GMDS: variants seen among roughly 807,000 people sequenced by gnomAD.
GMDS encodes the protein GDP-mannose 4,6 dehydratase.
GMDS carries 20 observed loss-of-function variants against 49.9 expected under a neutral mutation model. The observed-to-expected ratio is 0.40, with a 90% CI of 0.28 to 0.58. The LOEUF (loss-of-function observed/expected upper bound fraction) is 0.58, where lower values mean the gene tolerates loss of function less well. Among genes scored for constraint, GMDS ranks in the 20% least tolerant of loss-of-function variants. The pLI is 0.42. For synonymous variants in GMDS, 177 were observed against 178.6 expected (o/e 0.99, Z 0.07); for missense variants, 362 against 481.4 (o/e 0.75, Z 2.32).
chr6:1,855,472 T>C (rs75720056), intron 7 of GMDS, among the ~76,000 whole-genome samples: 2,230 of 152,294 alleles, frequency 0.015, 56 homozygotes, highest in African/African-American at 0.051. Flanking sequence ...CAGAGTTCTA[T>C]TCTAGAACAG....
chr6:1,657,926 AAGTGAAGTG>A (rs1322655608), intron 9 of GMDS, among the ~76,000 whole-genome samples: 1 of 150,576 alleles, frequency 6.6e-6, no homozygotes, highest in African/African-American at 2.4e-5. Flanking sequence ...CCCCTTTTTA[AAGTGAAGTG>A]AGCTCTGCGC....
At chr6:2,235,637 C>T (rs1257654604) in intron 1 of GMDS, among the ~76,000 whole-genome samples, 1 of 148,314 alleles carries the variant, frequency 6.7e-6, no homozygotes, top group East Asian at 2.0e-4. Context: ...AAGACCCCAT[C>T]TTAACAAAAA....
chr6:2,036,930 A>T (rs1010705598), intron 4 of GMDS, among the ~76,000 whole-genome samples: 2 of 152,216 alleles, frequency 1.3e-5, no homozygotes, highest in Non-Finnish European at 1.5e-5. Flanking sequence ...ATAAGTGCTC[A>T]GTAGATACAT....
At chr6:1,689,908 G>A (rs1765115371) in intron 9 of GMDS, among the ~76,000 whole-genome samples, 1 of 8,030 alleles carries the variant, frequency 1.2e-4, no homozygotes, top group Admixed American at 2.3e-3. Flanking sequence ...TGAAATATAT[G>A]TAGATAACAT....
chr6:2,198,430 T>C (rs1779367526), intron 1 of GMDS, among the ~76,000 whole-genome samples: 1 of 152,208 alleles, frequency 6.6e-6, no homozygotes, highest in Admixed American at 6.5e-5. Flanking sequence ...ATGTACCTTG[T>C]GTCCCCTTCA....
chr6:2,069,189 G>A (rs1771821264), intron 4 of GMDS, among the ~76,000 whole-genome samples: 1 of 152,142 alleles, frequency 6.6e-6, no homozygotes, highest in African/African-American at 2.4e-5. Flanking sequence ...TTTAATAAAT[G>A]GTGCTGGGAA....
intron 4 of GMDS, among the ~76,000 whole-genome samples, chr6:1,994,888 T>C (rs1766181321): frequency 6.6e-6 from 1 of 151,964 alleles, no homozygotes; most frequent in South Asian, 2.1e-4. Context: ...TAAAGCAATA[T>C]AAAATTAAGA....
intron 4 of GMDS, among the ~76,000 whole-genome samples, chr6:2,046,046 C>T (rs1769992807): frequency 2.6e-5 from 4 of 151,980 alleles, no homozygotes. Flanking sequence ...CCTGTCTCTA[C>T]AAAAATGTAA....
intron 7 of GMDS, among the ~76,000 whole-genome samples, chr6:1,827,643 T>C (rs958898180): frequency 4.6e-5 from 7 of 151,912 alleles, no homozygotes; most frequent in Admixed American, 3.9e-4. Flanking sequence ...ATTGCACATA[T>C]TTTTTTTGGC....
intron 1 of GMDS, among the ~76,000 whole-genome samples, chr6:2,201,603 C>G (rs1242431142): frequency 1.8e-5 from 2 of 110,044 alleles, no homozygotes; most frequent in East Asian, 2.8e-4. Flanking sequence ...AGGATGAAGA[C>G]AGAACACCAC....
At chr6:2,022,231 A>T (rs1454568330) in intron 4 of GMDS, among the ~76,000 whole-genome samples, 1 of 151,566 alleles carries the variant, frequency 6.6e-6, no homozygotes, top group Admixed American at 6.6e-5. Flanking sequence ...ATAGGAGGGT[A>T]AAGAAAAATT....
intron 4 of GMDS, among the ~76,000 whole-genome samples, chr6:2,044,351 T>TA (rs1355259424): frequency 6.6e-6 from 1 of 152,154 alleles, no homozygotes. Flanking sequence ...AAAAATGTGC[T>TA]ATGTATACAC....
At chr6:2,022,092 G>A (rs1319920) in intron 4 of GMDS, among the ~76,000 whole-genome samples, 2,076 of 152,236 alleles carry the variant, frequency 0.014, 49 homozygotes, top group African/African-American at 0.048. Flanking sequence ...GCCTAACAAG[G>A]CAACAGGGTA....
chr6:2,102,125 G>A (rs1274739495), intron 4 of GMDS, among the ~76,000 whole-genome samples: 1 of 151,972 alleles, frequency 6.6e-6, no homozygotes, highest in Non-Finnish European at 1.5e-5. Context: ...GTAAACAAAT[G>A]TAAAGCCATC....
chr6:1,645,276 C>A (rs1035139320), intron 9 of GMDS, among the ~76,000 whole-genome samples: 2 of 152,188 alleles, frequency 1.3e-5, no homozygotes, highest in African/African-American at 4.8e-5. Flanking sequence ...CTTCCTTCCC[C>A]AAACTGAATG....
chr6:1,716,974 C>T (rs1236018806), intron 9 of GMDS, among the ~76,000 whole-genome samples: 4 of 152,200 alleles, frequency 2.6e-5, no homozygotes, highest in East Asian at 1.9e-4. Context: ...GATGCACCAG[C>T]GTCTTCCATT....
intron 7 of GMDS, among the ~76,000 whole-genome samples, chr6:1,825,589 T>C (rs1361623836): frequency 6.6e-6 from 1 of 152,210 alleles, no homozygotes; most frequent in Admixed American, 6.5e-5. Flanking sequence ...CTAGGCCATA[T>C]AGTATAGCCT....
At chr6:1,999,116 A>G (rs4308609) in intron 4 of GMDS, among the ~76,000 whole-genome samples, 114,161 of 151,876 alleles carry the variant, frequency 0.75, 43,097 homozygotes, top group Middle Eastern at 0.84. Flanking sequence ...GAGGTCAGGA[A>G]ATCGAGACCA....
intron 7 of GMDS, among the ~76,000 whole-genome samples, chr6:1,846,759 G>A (rs1757431665): frequency 6.6e-6 from 1 of 152,232 alleles, no homozygotes; most frequent in South Asian, 2.1e-4. Flanking sequence ...CCAGAAGACT[G>A]TGTGTACCGG....
Sources: allele counts gnomAD v4.1 joint callset (sites outside exome capture counted in the v4.1 genomes callset), GRCh38; gene constraint gnomAD v4.1.1; transcripts MANE v1.5; gene names NCBI Gene and HGNC (gene_info 2026-07-23, HGNC 2026-07-21).